Variants in SLC4A5 observed in about 807,000 individuals in gnomAD.
SLC4A5 encodes solute carrier family 4 member 5.
A neutral mutation model predicts 120.4 loss-of-function variants in SLC4A5; 96 were observed. That is an observed-to-expected ratio of 0.80 (90% CI 0.68 to 0.94). SLC4A5 has a LOEUF of 0.94. SLC4A5 is among the 40% of genes least tolerant of loss of function. The probability of loss-of-function intolerance (pLI) is 0.00; values close to 1 mark genes in which losing one functional copy is unlikely to be tolerated. For missense variants in SLC4A5, 1,259 were observed against 1,459.5 expected (o/e 0.86, Z 2.24); for synonymous variants, 550 against 571.1 (o/e 0.96, Z 0.53).
At chr2:74,262,350 C>A in intron 10 of SLC4A5, 118 bp from the exon 11 acceptor site, 5 of 515,796 alleles carry the variant, frequency 9.7e-6, no homozygotes, top group Non-Finnish European at 1.7e-5. Context: ...TCTTCCCCTT[C>A]TGGGAAGAAA....
chr2:74,295,963 C>T (rs1433046923), intron 7 of SLC4A5, among the ~76,000 whole-genome samples: 2 of 152,128 alleles, frequency 1.3e-5, no homozygotes, highest in African/African-American at 2.4e-5. Context: ...TAGAATGTGG[C>T]GAGGAGGCTG....
intron 8 of SLC4A5, among the ~76,000 whole-genome samples, chr2:74,280,117 T>C (rs1433575858): frequency 6.6e-6 from 1 of 152,180 alleles, no homozygotes; most frequent in Non-Finnish European, 1.5e-5. Flanking sequence ...ATGGCTGGCA[T>C]AGAATCTGCA....
chr2:74,296,251 A>G (rs140529352), intron 7 of SLC4A5, among the ~76,000 whole-genome samples: 45 of 152,194 alleles, frequency 3.0e-4, no homozygotes, highest in African/African-American at 1.0e-3. Context: ...GTGGTGTAGA[A>G]ACAGACTTCC....
chr2:74,303,515 A>C (rs1214971253), intron 7 of SLC4A5, among the ~76,000 whole-genome samples: 2 of 152,252 alleles, frequency 1.3e-5, no homozygotes, highest in East Asian at 3.8e-4. Flanking sequence ...CAGAAACATC[A>C]GTAAAGTCAC....
intron 20 of SLC4A5, among the ~76,000 whole-genome samples, chr2:74,241,357 C>T (rs1215022722): frequency 6.6e-6 from 1 of 151,376 alleles, no homozygotes; most frequent in African/African-American, 2.4e-5. Flanking sequence ...CCTCTGCCTC[C>T]TGGGTTCAAA....
chr2:74,278,000 A>C (rs1671698728), intron 8 of SLC4A5, among the ~76,000 whole-genome samples: 1 of 152,160 alleles, frequency 6.6e-6, no homozygotes, highest in Non-Finnish European at 1.5e-5. Flanking sequence ...GGTGATGGGG[A>C]CCATTCTCTC....
chr2:74,315,142 A>C lies in SLC4A5; in HGVS notation c.-2-117T>G, dbSNP rs1038128167. 3.4e-6 allele frequency: 3 copies of C among 891,498 alleles called. No individual in the cohort carries two copies. In the South Asian group the frequency reaches 4.1e-5, roughly 12 times the overall value. The allele number at this position is 891,498 out of a possible 1,614,324, so 55.2% of individuals were successfully genotyped here. On this transcript the variant is annotated intron_variant, in intron 5 of 30. Coordinates refer to ENST00000394019, the Ensembl canonical transcript of SLC4A5. Reference sequence around the variant, plus strand: ...AGATTTTAATACAGATAAAAAACTAAGACAAAAGGACATATAACTGGGTGC... The same window carrying C: ...AGATTTTAATACAGATAAAAAACTACGACAAAAGGACATATAACTGGGTGC...
intron 3 of SLC4A5, among the ~76,000 whole-genome samples, chr2:74,335,934 G>C (rs754625222): frequency 4.6e-5 from 7 of 152,144 alleles, no homozygotes; most frequent in Non-Finnish European, 8.8e-5. Flanking sequence ...GAATGAAAAT[G>C]ACCAAAAAAT....
chr2:74,330,119 T>C (rs1022759485), intron 4 of SLC4A5, among the ~76,000 whole-genome samples: 1 of 150,552 alleles, frequency 6.6e-6, no homozygotes, highest in African/African-American at 2.5e-5. Context: ...GAGGTGTAGA[T>C]GGTGGTCGTG....
chr2:74,310,507 T>C (rs990414646), intron 6 of SLC4A5, among the ~76,000 whole-genome samples: 19 of 152,206 alleles, frequency 1.2e-4, no homozygotes, highest in African/African-American at 3.9e-4. Flanking sequence ...GTTTTTATTA[T>C]GAATAGGTGT....
chr2:74,296,352 T>C (rs987407106), intron 7 of SLC4A5, among the ~76,000 whole-genome samples: 1 of 152,252 alleles, frequency 6.6e-6, no homozygotes, highest in African/African-American at 2.4e-5. Context: ...TTCTCCTTTT[T>C]CTTCCTCCTT....
At chr2:74,227,547 T>G in intron 26 of SLC4A5, 1 of 1,612,314 alleles carries the variant, frequency 6.2e-7, no homozygotes, top group Admixed American at 1.7e-5. Context: ...TTTTGAATTC[T>G]GACCCTCCGG....
chr2:74,297,120 T>C (rs759685028), intron 7 of SLC4A5, among the ~76,000 whole-genome samples: 10 of 152,126 alleles, frequency 6.6e-5, no homozygotes, highest in Admixed American at 1.3e-4. Flanking sequence ...ACTCCTTCCA[T>C]CAGAAGGATC....
intron 7 of SLC4A5, among the ~76,000 whole-genome samples, chr2:74,299,738 G>T (rs116572314): frequency 0.014 from 2,139 of 152,304 alleles, 29 homozygotes; most frequent in Non-Finnish European, 0.022. Context: ...GCAAGAAAGT[G>T]GAGAAAAGGG....
chr2:74,248,146 G>T (rs1192154691), intron 18 of SLC4A5, among the ~76,000 whole-genome samples: 2 of 152,202 alleles, frequency 1.3e-5, no homozygotes, highest in Non-Finnish European at 2.9e-5. Context: ...TGGTCCCTAT[G>T]GGCTGTGCCA....
chr2:74,342,021 G>A (rs1040092428), intron 2 of SLC4A5, among the ~76,000 whole-genome samples: 3 of 152,192 alleles, frequency 2.0e-5, no homozygotes, highest in African/African-American at 7.2e-5. Context: ...CTCAAATTAT[G>A]TACTTCTGAG....
At chr2:74,342,226 A>G (rs1673644647) in intron 2 of SLC4A5, among the ~76,000 whole-genome samples, 1 of 152,218 alleles carries the variant, frequency 6.6e-6, no homozygotes, top group South Asian at 2.1e-4. Flanking sequence ...CCTTTGTGCT[A>G]AAGTTATCTC....
chr2:74,329,380 A>G (rs1673296192), intron 4 of SLC4A5, among the ~76,000 whole-genome samples: 1 of 152,170 alleles, frequency 6.6e-6, no homozygotes, highest in South Asian at 2.1e-4. Flanking sequence ...ACCTGAGTTC[A>G]GGAGTTCGAG....
intron 22 of SLC4A5, among the ~76,000 whole-genome samples, chr2:74,234,156 CTT>C (rs1016001544): frequency 1.3e-5 from 2 of 148,730 alleles, no homozygotes; most frequent in South Asian, 2.1e-4. Flanking sequence ...CGTTGGTGCT[CTT>C]TTTTTTTTCT....
Sources: gnomAD v4.1 joint callset for allele counts (sites outside exome capture counted in the v4.1 genomes callset) on GRCh38, gnomAD v4.1.1 for gene constraint, MANE v1.5 for transcripts, NCBI Gene and HGNC (gene_info 2026-07-23, HGNC 2026-07-21) for gene names.